Variants in CALHM5 observed in about 807,000 individuals in gnomAD.
CALHM5 encodes calcium homeostasis modulator protein 5.
CALHM5 carries 17 observed loss-of-function variants against 20.9 expected under a neutral mutation model. The observed-to-expected ratio is 0.82, with a 90% CI of 0.56 to 1.22. CALHM5 has a LOEUF of 1.22. Among genes scored for constraint, CALHM5 ranks in the 50% most tolerant of loss-of-function variants. CALHM5 has a pLI of 0.00. For missense variants in CALHM5, 360 were observed against 364.6 expected (o/e 0.99, Z 0.10); for synonymous variants, 148 against 140.0 (o/e 1.06, Z -0.40).
In CALHM5 at chr6:116,516,959, T is replaced by G. The variant is rs1772240673; in HGVS notation, c.*970T>G. 6.5e-6 allele frequency: 1 copy of G among 152,882 alleles called. No homozygotes were observed. The highest frequency in any genetic ancestry group is 2.1e-4 in the South Asian group (1 of 4,838). 9.5% of individuals were successfully genotyped at this position (152,882 alleles called of 1,614,324 possible). A position where few individuals can be genotyped will look rare whatever the true frequency, so the allele number is the denominator to read the frequency against. On this transcript the variant is annotated 3_prime_UTR_variant, in exon 2 of 2. Coordinates refer to ENST00000368599, the MANE Select transcript of CALHM5 (RefSeq NM_153711.5). ...CTTATACAAAATAGAAATTTATTTC[T>G]CACAGTTCTGGAGGCTGGGAAGTCC... is the stretch of plus-strand genomic sequence containing the variant.
Position 116,512,166 on chromosome 6 carries a change from C to T in CALHM5, c.470C>T (p.Ser157Phe). 6.2e-7 allele frequency: 1 copy of T among 1,612,660 alleles called. No individual in the cohort carries two copies. The highest frequency in any genetic ancestry group is 2.2e-5 in the East Asian group (1 of 44,878). The change falls in exon 1 of 2, where the codon TCT becomes TTT. Residue 157 changes from serine to phenylalanine, a missense_variant. Physicochemically the swap from Ser to Phe is radical, Grantham distance 155 (BLOSUM62 -2). Transcript: ENST00000368599. ...KECWEELHKVSCGKTSMLPTV... is the reference protein window; with the variant it reads ...KECWEELHKVFCGKTSMLPTV... Reference sequence around the variant, plus strand: ...TGCTGGGAAGAACTTCACAAAGTATCTTGTGGCAAAACTAGCATGCTACCT... The same window carrying T: ...TGCTGGGAAGAACTTCACAAAGTATTTTGTGGCAAAACTAGCATGCTACCT...
rs1419639226 is a variant in CALHM5 at position 116,518,373 on chromosome 6, T to G, written c.*2384T>G. 6.6e-6 allele frequency: 1 copy of G among 152,094 alleles called. No individual in the cohort carries two copies. The highest frequency in any genetic ancestry group is 1.9e-4 in the East Asian group (1 of 5,190). 9.4% of individuals were successfully genotyped at this position (152,094 alleles called of 1,614,324 possible). A position where few individuals can be genotyped will look rare whatever the true frequency, so the allele number is the denominator to read the frequency against. On this transcript the variant is annotated 3_prime_UTR_variant, in exon 2 of 2. Transcript: ENST00000368599. ...AACCCACACAGTTGGTGGCAAGGAG[T>G]GTTCAGTGTTGAGTGTGAATGTCAA...
chr6:116,515,839 T>G lies in CALHM5; in HGVS notation c.780T>G (p.Ala260=). Residue 260 remains alanine (A), a synonymous_variant, in exon 2 of 2, where the codon GCT becomes GCG. Transcript: ENST00000368599. ...RPDPFPMPTF[A]AWEAASELHS... ...ATCCTTTTCCCATGCCTACGTTTGC[T>G]GCCTGGGAGGCTGCTTCAGAGCTGC... 1 of 1,614,014 alleles carries G rather than the reference T, an allele frequency of 6.2e-7. No individual in the cohort carries two copies. The highest frequency in any genetic ancestry group is 1.1e-5 in the South Asian group (1 of 91,074).
intron 1 of CALHM5, 195 bp downstream of exon 1, chr6:116,512,431 G>A (rs558050578): frequency 1.7e-6 from 1 of 581,944 alleles, no homozygotes; most frequent in African/African-American, 1.9e-5. Context: ...TTGCTGACTG[G>A]ATTATCTCTT....
chr6:116,524,024 T>C lies in CALHM5; in HGVS notation c.*8035T>C, dbSNP rs1336060934. The C allele has an allele frequency of 6.6e-6, 1 of 152,248 alleles. No individual in the cohort carries two copies. The highest frequency in any genetic ancestry group is 1.5e-5 in the Non-Finnish European group (1 of 68,034). 9.4% of individuals were successfully genotyped at this position (152,248 alleles called of 1,614,324 possible). A position where few individuals can be genotyped will look rare whatever the true frequency, so the allele number is the denominator to read the frequency against. On this transcript the variant is annotated 3_prime_UTR_variant, in exon 2 of 2. Transcript: ENST00000368599. Reference sequence around the variant, plus strand: ...TAGGAAAATATGAATGAATATTAGATGATTTTTAGAGAATTATTAATTTTG... The same window carrying C: ...TAGGAAAATATGAATGAATATTAGACGATTTTTAGAGAATTATTAATTTTG...
rs1772216399 is a variant in CALHM5 at position 116,515,941 on chromosome 6, G to T, written c.882G>T (p.Glu294Asp). 1 of 1,612,534 alleles carries T rather than the reference G, an allele frequency of 6.2e-7. No homozygotes were observed. The highest frequency in any genetic ancestry group is 8.5e-7 in the Non-Finnish European group (1 of 1,179,034). The change falls in exon 2 of 2, where the codon GAG (glutamate) becomes GAT (aspartate). Residue 294 changes from glutamate to aspartate, a missense_variant. Coordinates refer to ENST00000368599, the MANE Select transcript of CALHM5 (RefSeq NM_153711.5). The part of the protein sequence containing the change: ...VVDNGLQLSP[E>D]DDETTMVLVG... The stretch of plus-strand genomic sequence containing the variant: ...ACAATGGTCTGCAACTTAGCCCTGA[G>T]GATGATGAGACGACAATGGTCCTTG...
In CALHM5 at chr6:116,518,530, A is replaced by G; in HGVS notation, c.*2541A>G. 6.6e-6 allele frequency: 1 copy of G among 152,362 alleles called. No individual in the cohort carries two copies. The highest frequency in any genetic ancestry group is 6.5e-5 in the Admixed American group (1 of 15,288). The allele number at this position is 152,362 out of a possible 1,614,324, so 9.4% of individuals were successfully genotyped here. On this transcript the variant is annotated 3_prime_UTR_variant, in exon 2 of 2. Transcript: ENST00000368599. ...GTGAGGGGGTAGAGTTTTCAGAATAAAGGGAGAGAAAATTCAGCAAAGAGT... is the reference window on the plus strand; with the variant it reads ...GTGAGGGGGTAGAGTTTTCAGAATAGAGGGAGAGAAAATTCAGCAAAGAGT...
At position 116,512,002 on chromosome 6, in the gene CALHM5, G is replaced by A. The variant is rs1327303678; in HGVS notation, c.306G>A (p.Gln102=). The A allele has an allele frequency of 3.1e-6, 5 of 1,613,936 alleles. No homozygotes were observed. The highest frequency in any genetic ancestry group is 3.3e-5 in the Admixed American group (2 of 59,938). Residue 102 remains glutamine (Q), a synonymous_variant, in exon 1 of 2, where the codon CAG becomes CAA. Transcript: ENST00000368599. ...GCCGTTTCTTCTACGTCCTCGGCCAGATCACTCTGAGCTCATTGGTGGCTC... is the reference window on the plus strand; with the variant it reads ...GCCGTTTCTTCTACGTCCTCGGCCAAATCACTCTGAGCTCATTGGTGGCTC... ...HSCRFFYVLG[Q]ITLSSLVAPV...
At position 116,517,353 on chromosome 6, in the gene CALHM5, C is replaced by T. The variant is rs1213889626; in HGVS notation, c.*1364C>T. 1 of 152,102 alleles carries T rather than the reference C, an allele frequency of 6.6e-6. No individual in the cohort carries two copies. The highest frequency in any genetic ancestry group is 1.9e-4 in the East Asian group (1 of 5,188). The allele number at this position is 152,102 out of a possible 1,614,324, so 9.4% of individuals were successfully genotyped here. On this transcript the variant is annotated 3_prime_UTR_variant, in exon 2 of 2. Transcript: ENST00000368599. ...TTTATCAGAAATAATGCAAATCTTGCATTCTACAATGTACTATATCCATGT... is the reference window on the plus strand; with the variant it reads ...TTTATCAGAAATAATGCAAATCTTGTATTCTACAATGTACTATATCCATGT...
rs949310370 is a variant in CALHM5 at position 116,523,768 on chromosome 6, A to G, written c.*7779A>G. 6 of 152,232 alleles carry G rather than the reference A, an allele frequency of 3.9e-5. No individual in the cohort carries two copies. Among genetic ancestry groups the G allele is most frequent in the Non-Finnish European group, 8.8e-5 (6 of 68,036 alleles). The allele number at this position is 152,232 out of a possible 1,614,324, so 9.4% of individuals were successfully genotyped here. On this transcript the variant is annotated 3_prime_UTR_variant, in exon 2 of 2. Transcript: ENST00000368599. The stretch of plus-strand genomic sequence containing the variant: ...TTAGACATTACTGCTAGTTTATAGG[A>G]AACATAAGCAACAAAAAACAAGGCA...
In CALHM5 at chr6:116,524,745, AATC is replaced by A. The variant is rs1366950218; in HGVS notation, c.*8759_*8761del. 1 of 152,080 alleles carries A rather than the reference AATC, an allele frequency of 6.6e-6. No individual in the cohort carries two copies. Among genetic ancestry groups the A allele is most frequent in the Non-Finnish European group, 1.5e-5 (1 of 68,020 alleles). The allele number at this position is 152,080 out of a possible 1,614,324, so 9.4% of individuals were successfully genotyped here. ...ACAAGTTTACTCTTTCATTGTGGAGAATCATTTTCTTATATTTCAATAAAAAAG... is the reference window on the plus strand; with the variant it reads ...ACAAGTTTACTCTTTCATTGTGGAGAATTTTCTTATATTTCAATAAAAAAG... On this transcript the variant is annotated 3_prime_UTR_variant, in exon 2 of 2. Coordinates refer to ENST00000368599, the MANE Select transcript of CALHM5 (RefSeq NM_153711.5).
At chr6:116,513,369 A>C (rs1772162389) in intron 1 of CALHM5, among the ~76,000 whole-genome samples, 1 of 152,176 alleles carries the variant, frequency 6.6e-6, no homozygotes, top group Non-Finnish European at 1.5e-5. Context: ...CAGGCTCCCA[A>C]ATGTCTTGTG....
Position 116,523,781 on chromosome 6 carries a change from A to G in CALHM5, c.*7792A>G, listed in dbSNP as rs977984681. ...CTAGTTTATAGGAAACATAAGCAAC[A>G]AAAAACAAGGCAATTAGCACCACAA... On this transcript the variant is annotated 3_prime_UTR_variant, in exon 2 of 2. Coordinates refer to ENST00000368599, the MANE Select transcript of CALHM5 (RefSeq NM_153711.5). 6.6e-5 allele frequency: 10 copies of G among 152,228 alleles called. No homozygotes were observed. The highest frequency in any genetic ancestry group is 1.2e-4 in the Non-Finnish European group (8 of 68,032). The allele number at this position is 152,228 out of a possible 1,614,324, so 9.4% of individuals were successfully genotyped here. A position where few individuals can be genotyped will look rare whatever the true frequency, so the allele number is the denominator to read the frequency against.
rs1772242784 is a variant in CALHM5, at chr6:116,517,071, T to C, written c.*1082T>C. On this transcript the variant is annotated 3_prime_UTR_variant, in exon 2 of 2. Coordinates refer to ENST00000368599, the MANE Select transcript of CALHM5 (RefSeq NM_153711.5). ...TTGCTGACTTCTCAGTGTCCTTCCA[T>C]GGTGGAAAGTGCAAATAAGCTCCCT... 6.6e-6 allele frequency: 1 copy of C among 152,200 alleles called. No individual in the cohort carries two copies. The highest frequency in any genetic ancestry group is 6.6e-5 in the Admixed American group (1 of 15,266). 9.4% of individuals were successfully genotyped at this position (152,200 alleles called of 1,614,324 possible).
Position 116,518,413 on chromosome 6 carries a change from T to C in CALHM5, c.*2424T>C, listed in dbSNP as rs1012507343. On this transcript the variant is annotated 3_prime_UTR_variant, in exon 2 of 2. Transcript: ENST00000368599. ...GTGAATGTCAATAAAAAAAGGTTTG[T>C]TTTTTCTACGTACAATATCTTTGGG... 3.3e-5 allele frequency: 5 copies of C among 152,282 alleles called. No homozygotes were observed. The highest frequency in any genetic ancestry group is 9.7e-5 in the African/African-American group (4 of 41,428). 9.4% of individuals were successfully genotyped at this position (152,282 alleles called of 1,614,324 possible).
In CALHM5 at chr6:116,523,378, G is replaced by T. The variant is rs1772380266; in HGVS notation, c.*7389G>T. 6.6e-6 allele frequency: 1 copy of T among 152,086 alleles called. No homozygotes were observed. Among genetic ancestry groups the T allele is most frequent in the African/African-American group, 2.4e-5 (1 of 41,412 alleles). The allele number at this position is 152,086 out of a possible 1,614,324, so 9.4% of individuals were successfully genotyped here. On this transcript the variant is annotated 3_prime_UTR_variant, in exon 2 of 2. Transcript: ENST00000368599. The stretch of plus-strand genomic sequence containing the variant: ...GTTTTCTTTGTTCCTGTTGTAAATG[G>T]TTTCTTTTTTCCACTATATCTTTCT...
Position 116,518,615 on chromosome 6 carries a change from GA to G in CALHM5, c.*2631del. 1 of 152,226 alleles carries G rather than the reference GA, an allele frequency of 6.6e-6. No individual in the cohort carries two copies. Among genetic ancestry groups the G allele is most frequent in the Non-Finnish European group, 1.5e-5 (1 of 68,014 alleles). 9.4% of individuals were successfully genotyped at this position (152,226 alleles called of 1,614,324 possible). A position where few individuals can be genotyped will look rare whatever the true frequency, so the allele number is the denominator to read the frequency against. On this transcript the variant is annotated 3_prime_UTR_variant, in exon 2 of 2. Coordinates refer to ENST00000368599, the MANE Select transcript of CALHM5 (RefSeq NM_153711.5). ...CTGCCCTTAAGTGTCTTCTGAGCTGGAAAAAGACATATAGGAACTGGCCGAT... is the reference window on the plus strand; with the variant it reads ...CTGCCCTTAAGTGTCTTCTGAGCTGGAAAAGACATATAGGAACTGGCCGAT...
chr6:116,521,566 T>A lies in CALHM5; in HGVS notation c.*5577T>A, dbSNP rs1772344474. On this transcript the variant is annotated 3_prime_UTR_variant, in exon 2 of 2. Coordinates refer to ENST00000368599, the MANE Select transcript of CALHM5 (RefSeq NM_153711.5). ...AATTTGCCCATCCTCTCCCTTTTTG[T>A]CCTACCCAGGCCCTCAATGGATTGT... is the stretch of plus-strand genomic sequence containing the variant. 2 of 151,916 alleles carry A rather than the reference T, an allele frequency of 1.3e-5. No homozygotes were observed. The highest frequency in any genetic ancestry group is 4.2e-4 in the South Asian group (2 of 4,814). The allele number at this position is 151,916 out of a possible 1,614,324, so 9.4% of individuals were successfully genotyped here.
rs560843569 is a variant in CALHM5 at position 116,521,297 on chromosome 6, G to C, written c.*5308G>C. ...TATGAAGGCTGAGAAGGCCCATGACGTGCCACCTGTAAGCTGGAGAATCAG... is the reference window on the plus strand; with the variant it reads ...TATGAAGGCTGAGAAGGCCCATGACCTGCCACCTGTAAGCTGGAGAATCAG... On this transcript the variant is annotated 3_prime_UTR_variant, in exon 2 of 2. Coordinates refer to ENST00000368599, the MANE Select transcript of CALHM5 (RefSeq NM_153711.5). 1 of 152,204 alleles carries C rather than the reference G, an allele frequency of 6.6e-6. No homozygotes were observed. The highest frequency in any genetic ancestry group is 2.1e-4 in the South Asian group (1 of 4,826). 9.4% of individuals were successfully genotyped at this position (152,204 alleles called of 1,614,324 possible). A position where few individuals can be genotyped will look rare whatever the true frequency, so the allele number is the denominator to read the frequency against.
Sources: gnomAD v4.1 joint callset for allele counts (sites outside exome capture counted in the v4.1 genomes callset) on GRCh38, gnomAD v4.1.1 for gene constraint, MANE v1.5 for transcripts, NCBI Gene and HGNC (gene_info 2026-07-23, HGNC 2026-07-21) for gene names.